SCAF8: variants seen among roughly 807,000 people sequenced by gnomAD.
The protein encoded by SCAF8 is SR-related CTD associated factor 8, also known as SR-related and CTD-associated factor 8.
SCAF8 carries 23 observed loss-of-function variants against 140.5 expected under a neutral mutation model. That is an observed-to-expected ratio of 0.16 (90% CI 0.12 to 0.23). SCAF8 has a LOEUF of 0.23. Ranked by LOEUF, SCAF8 falls within the 10% of genes least tolerant of loss-of-function variation. The pLI is 1.00. For missense variants in SCAF8, 1,397 were observed against 1,555.7 expected (o/e 0.90, Z 1.72); for synonymous variants, 575 against 528.9 (o/e 1.09, Z -1.20).
intron 1 of SCAF8, among the ~76,000 whole-genome samples, chr6:154,748,820 G>A (rs1030484492): frequency 2.0e-5 from 3 of 152,204 alleles, no homozygotes; most frequent in African/African-American, 7.2e-5. Flanking sequence ...CATCATTCTT[G>A]TGCAAAATTT....
intron 1 of SCAF8, among the ~76,000 whole-genome samples, chr6:154,745,908 C>G (rs1430379303): frequency 6.6e-6 from 1 of 151,962 alleles, no homozygotes; most frequent in South Asian, 2.1e-4. Context: ...GCGACAGAGT[C>G]TCACTCTGTC....
Position 154,792,837 on chromosome 6 carries a change from A to G in SCAF8, c.336A>G (p.Arg112=). 2 of 1,603,964 alleles carry G rather than the reference A, an allele frequency of 1.2e-6. No homozygotes were observed. Among genetic ancestry groups the G allele is most frequent in the Non-Finnish European group, 1.7e-6 (2 of 1,175,846 alleles). ...TTTTTCTCTAGAGTAAAATAGTGAGAGTACTAAACTTATGGCAGAAGAATA... is the reference window on the plus strand; with the variant it reads ...TTTTTCTCTAGAGTAAAATAGTGAGGGTACTAAACTTATGGCAGAAGAATA... The part of the protein sequence containing the change: ...CPGDDKSKIV[R]VLNLWQKNNV... The change falls in exon 5 of 20, where the codon AGA becomes AGG. Residue 112 remains arginine (R), a synonymous_variant. Transcript: ENST00000367178.
In SCAF8 at chr6:154,733,781, C is replaced by T. The variant is rs1042652902; in HGVS notation, c.-120C>T. On this transcript the variant is annotated 5_prime_UTR_variant, in exon 1 of 20. Transcript: ENST00000367178. ...ACTCCGCCCCGAGGTCGCAGCGGCC[C>T]GCTCTCCCGCCAGCGCCCCCTCCTC... 2.9e-6 allele frequency: 4 copies of T among 1,380,368 alleles called. No individual in the cohort carries two copies. The highest frequency in any genetic ancestry group is 3.7e-6 in the Non-Finnish European group (4 of 1,070,118). 85.5% of individuals were successfully genotyped at this position (1,380,368 alleles called of 1,614,324 possible). A position where few individuals can be genotyped will look rare whatever the true frequency, so the allele number is the denominator to read the frequency against.
At chr6:154,776,951 T>G (rs1283127085) in intron 2 of SCAF8, among the ~76,000 whole-genome samples, 1 of 152,030 alleles carries the variant, frequency 6.6e-6, no homozygotes, top group African/African-American at 2.4e-5. Flanking sequence ...GAGGCCGAGG[T>G]GGGTGGATCA....
At chr6:154,743,033 A>G (rs1778611122) in intron 1 of SCAF8, among the ~76,000 whole-genome samples, 1 of 151,998 alleles carries the variant, frequency 6.6e-6, no homozygotes, top group South Asian at 2.1e-4. Flanking sequence ...TGTTGTTGTG[A>G]TTCTTTTCCT....
intron 1 of SCAF8, among the ~76,000 whole-genome samples, chr6:154,736,265 CTT>C (rs71021071): frequency 6.6e-4 from 52 of 78,436 alleles, no homozygotes; most frequent in African/African-American, 2.8e-3. Flanking sequence ...CCATCCAAGA[CTT>C]TTTTTTTTTT....
chr6:154,832,597 T>A lies in SCAF8; in HGVS notation c.3018T>A (p.Asp1006Glu). Residue 1006 changes from aspartate to glutamate, a missense_variant, in exon 20 of 20, where the codon GAT becomes GAA. Around this residue, in one of 5 missense-constraint regions of SCAF8, gnomAD observed 930 missense variants for 874.6 expected, o/e 1.06. Transcript: ENST00000367178. ...AAAAAAGGATACCACTTGGGAATGATAACATTCAACAGGAAGGAGATAGAG... is the reference window on the plus strand; with the variant it reads ...AAAAAAGGATACCACTTGGGAATGAAAACATTCAACAGGAAGGAGATAGAG... ...NPEKRIPLGNDNIQQEGDRDY... is the reference protein window; with the variant it reads ...NPEKRIPLGNENIQQEGDRDY... 1 of 1,614,162 alleles carries A rather than the reference T, an allele frequency of 6.2e-7. No homozygotes were observed. Among genetic ancestry groups the A allele is most frequent in the Non-Finnish European group, 8.5e-7 (1 of 1,180,002 alleles).
At chr6:154,742,672 A>G (rs1341451368) in intron 1 of SCAF8, among the ~76,000 whole-genome samples, 1 of 152,114 alleles carries the variant, frequency 6.6e-6, no homozygotes, top group Non-Finnish European at 1.5e-5. Context: ...CTTTAAACTT[A>G]AGGAAGGCTA....
intron 1 of SCAF8, among the ~76,000 whole-genome samples, chr6:154,747,666 T>C (rs59560865): frequency 0.02 from 3,107 of 152,274 alleles, 107 homozygotes; most frequent in African/African-American, 0.07. Context: ...ACAAGAATTA[T>C]AATCGAGCAG....
At chr6:154,822,041 A>G (rs950903007) in intron 15 of SCAF8, 40 of 373,846 alleles carry the variant, frequency 1.1e-4, no homozygotes, top group Non-Finnish European at 1.6e-4. Flanking sequence ...TTTTCTTTAG[A>G]TGAAATATTT....
intron 3 of SCAF8, among the ~76,000 whole-genome samples, chr6:154,781,797 C>T (rs986006103): frequency 6.6e-6 from 1 of 152,118 alleles, no homozygotes; most frequent in African/African-American, 2.4e-5. Flanking sequence ...GTTTACATTT[C>T]TTTGGGATAG....
At position 154,803,761 on chromosome 6, in the gene SCAF8, A is replaced by T. The variant is rs530364166; in HGVS notation, c.863+138A>T. 27 of 615,344 alleles carry T rather than the reference A, an allele frequency of 4.4e-5. No individual in the cohort carries two copies. The African/African-American group carries it at 4.4e-4, about 10-fold the overall frequency. The allele number at this position is 615,344 out of a possible 1,614,324, so 38.1% of individuals were successfully genotyped here. A position where few individuals can be genotyped will look rare whatever the true frequency, so the allele number is the denominator to read the frequency against. On this transcript the variant is annotated intron_variant, in intron 8 of 19. Transcript: ENST00000367178. ...CTAACATTATACAAAGGTGGTAGAG[A>T]TATGTCTTGTTGTCTCTTTGTATTA...
intron 1 of SCAF8, chr6:154,742,039 A>G (rs1377087932): frequency 1.3e-6 from 2 of 1,498,212 alleles, no homozygotes; most frequent in Non-Finnish European, 1.8e-6. Context: ...GATAACCCAC[A>G]TAAGGCAGGC....
At chr6:154,764,734 C>T (rs1292686796) in intron 1 of SCAF8, among the ~76,000 whole-genome samples, 2 of 152,070 alleles carry the variant, frequency 1.3e-5, no homozygotes. Flanking sequence ...GTCTTCTCAC[C>T]CAAGCATAGA....
At chr6:154,816,656 G>T (rs1778259982) in intron 13 of SCAF8, among the ~76,000 whole-genome samples, 1 of 152,134 alleles carries the variant, frequency 6.6e-6, no homozygotes. Context: ...TTCATTCCCT[G>T]TGGTTACAGT....
intron 12 of SCAF8, among the ~76,000 whole-genome samples, chr6:154,811,180 G>A (rs1487671560): frequency 6.6e-6 from 1 of 151,924 alleles, no homozygotes; most frequent in Non-Finnish European, 1.5e-5. Flanking sequence ...TTAGGGTGAT[G>A]GTATACATCT....
chr6:154,747,906 G>A (rs957505248), intron 1 of SCAF8, among the ~76,000 whole-genome samples: 6 of 143,754 alleles, frequency 4.2e-5, no homozygotes, highest in African/African-American at 1.7e-4. Context: ...CTGTGTGTGT[G>A]TGTGTGTGTG....
At chr6:154,805,216 A>G (rs1357297460) in intron 8 of SCAF8, among the ~76,000 whole-genome samples, 153 bp from the exon 9 acceptor site, 1 of 152,188 alleles carries the variant, frequency 6.6e-6, no homozygotes, top group Non-Finnish European at 1.5e-5. Context: ...AATGTTCTCA[A>G]GTATTCTACT....
At chr6:154,801,021 C>G (rs188218509) in intron 6 of SCAF8, among the ~76,000 whole-genome samples, 4 of 151,304 alleles carry the variant, frequency 2.6e-5, no homozygotes, top group Non-Finnish European at 3.0e-5. Flanking sequence ...ATTGGATGCT[C>G]CAGTGGTTTT....
Sources: gnomAD v4.1 joint callset for allele counts (sites outside exome capture counted in the v4.1 genomes callset) on GRCh38, gnomAD v4.1.1 for gene constraint, gnomAD v4.1.1 regional missense constraint, MANE v1.5 for transcripts, NCBI Gene and HGNC (gene_info 2026-07-23, HGNC 2026-07-21) for gene names.